The following TSEN15 variants were observed in gnomAD, a reference collection of about 807,000 sequenced individuals.
The protein encoded by TSEN15 is tRNA splicing endonuclease subunit 15, also known as tRNA-splicing endonuclease subunit Sen15.
A neutral mutation model predicts 20.5 loss-of-function variants in TSEN15; 10 were observed. The ratio of observed to expected loss-of-function variants is 0.49; its 90% confidence interval spans 0.30 to 0.83. The LOEUF (loss-of-function observed/expected upper bound fraction) is 0.83, where lower values mean the gene tolerates loss of function less well. Among genes scored for constraint, TSEN15 ranks in the 40% least tolerant of loss-of-function variants. The probability of loss-of-function intolerance (pLI) is 0.06; values close to 1 mark genes in which losing one functional copy is unlikely to be tolerated. For missense variants in TSEN15, 180 were observed against 218.6 expected (o/e 0.82, Z 1.11); for synonymous variants, 72 against 80.1 (o/e 0.90, Z 0.54).
intron 3 of TSEN15, among the ~76,000 whole-genome samples, chr1:184,062,485 G>A (rs1332692042): frequency 6.6e-6 from 1 of 152,074 alleles, no homozygotes; most frequent in Non-Finnish European, 1.5e-5. Flanking sequence ...TGCTAAGATT[G>A]CAAATGAAGT....
intron 3 of TSEN15, among the ~76,000 whole-genome samples, chr1:184,062,141 GTAAT>G (rs1650479969): frequency 6.6e-6 from 1 of 152,010 alleles, no homozygotes; most frequent in African/African-American, 2.4e-5. Context: ...GGAGTATGAA[GTAAT>G]TAATTGCTAG....
chr1:184,062,746 T>C (rs1650512780), intron 3 of TSEN15, among the ~76,000 whole-genome samples: 1 of 152,018 alleles, frequency 6.6e-6, no homozygotes, highest in Non-Finnish European at 1.5e-5. Context: ...AGGGTTTTTT[T>C]TGTTTGTTTT....
exon 4 of TSEN15, chr1:184,096,942 C>T (rs1651465837): frequency 6.6e-6 from 1 of 152,194 alleles, no homozygotes; most frequent in Non-Finnish European, 1.5e-5. Flanking sequence ...CACAGCCAAA[C>T]CATATTAATA....
Position 184,054,720 on chromosome 1 carries a change from T to C in TSEN15, c.218-8T>C. ...AACATTATTGTCCATTCAATGATGC[T>C]CTTTCAGGCAAAAGCTGGCATGAAG... is the stretch of plus-strand genomic sequence containing the variant. On this transcript the variant is annotated splice_polypyrimidine_tract_variant and splice_region_variant and intron_variant, in intron 2 of 4. Coordinates refer to ENST00000645668, the MANE Select transcript of TSEN15 (RefSeq NM_052965.4). The C allele has an allele frequency of 2.5e-6, 4 of 1,610,390 alleles. No individual in the cohort carries two copies. Among genetic ancestry groups the C allele is most frequent in the Non-Finnish European group, 3.4e-6 (4 of 1,179,280 alleles).
At chr1:184,072,119 G>T in intron 3 of TSEN15, 38 bp from the exon 4 acceptor site, 1 of 1,602,544 alleles carries the variant, frequency 6.2e-7, no homozygotes, top group South Asian at 1.1e-5. Context: ...CTAATTGAGT[G>T]ACCGCAACTC....
rs762791348 is a variant in TSEN15, at chr1:184,072,830, A to G, written c.499A>G (p.Ile167Val). Residue 167 changes from isoleucine to valine, a missense_variant, in exon 5 of 5, where the codon ATT (isoleucine) becomes GTT (valine). Ile to Val is a conservative substitution (Grantham distance 29, BLOSUM62 3). This residue lies in a region of TSEN15 where 28 missense variants were observed against 28.7 expected (regional missense o/e 0.98). Coordinates refer to ENST00000645668, the MANE Select transcript of TSEN15 (RefSeq NM_052965.4). ...DGFMLPDPQN[I>V]SLRR Reference sequence around the variant, plus strand: ...TCCTGATCTTTTTTTTTTCCAGAATATTTCTCTTAGAAGATGACATCCATG... The same window carrying G: ...TCCTGATCTTTTTTTTTTCCAGAATGTTTCTCTTAGAAGATGACATCCATG... The G allele has an allele frequency of 2.5e-6, 4 of 1,601,424 alleles. No individual in the cohort carries two copies. Among genetic ancestry groups the G allele is most frequent in the Non-Finnish European group, 3.4e-6 (4 of 1,176,206 alleles).
chr1:184,087,699 G>A (rs943453654), intron 3 of TSEN15, among the ~76,000 whole-genome samples: 15 of 152,326 alleles, frequency 9.8e-5, no homozygotes, highest in African/African-American at 3.4e-4. Flanking sequence ...AAGATAGAAA[G>A]GAGGTGGTTT....
Position 184,054,694 on chromosome 1 carries a change from A to G in TSEN15, c.218-34A>G, listed in dbSNP as rs761099173. The G allele has an allele frequency of 8.1e-6, 13 of 1,596,958 alleles. 1 individual carries two copies. The South Asian group carries it at 1.2e-4, about 15-fold the overall frequency. ...GGAGTTTTTATTTTTTGTATTTAAT[A>G]AACATTATTGTCCATTCAATGATGC... On this transcript the variant is annotated intron_variant, in intron 2 of 4. Coordinates refer to ENST00000645668, the MANE Select transcript of TSEN15 (RefSeq NM_052965.4).
chr1:184,092,762 AG>A (rs1429281276), intron 3 of TSEN15, among the ~76,000 whole-genome samples: 1 of 152,176 alleles, frequency 6.6e-6, no homozygotes, highest in Non-Finnish European at 1.5e-5. Flanking sequence ...GTTCAGACTG[AG>A]ACTTGTATGG....
At chr1:184,094,948 A>G (rs1651422533) in intron 3 of TSEN15, 1 of 398,434 alleles carries the variant, frequency 2.5e-6, no homozygotes, top group East Asian at 3.6e-5. Flanking sequence ...TGAGGAGTGT[A>G]GCACCAAACA....
chr1:184,090,509 G>A (rs916081324), intron 3 of TSEN15, among the ~76,000 whole-genome samples: 37 of 152,232 alleles, frequency 2.4e-4, no homozygotes, highest in South Asian at 2.1e-4. Context: ...AAAAGGTCAC[G>A]TACAAAGATG....
rs537317450 is a variant in TSEN15 at position 184,063,608 on chromosome 1, T to G, written c.354-8549T>G. Among the ~76,000 whole-genome samples the G allele has an allele frequency of 2.6e-5, 4 of 152,300 alleles. No individual in the cohort carries two copies. In the East Asian group the frequency reaches 7.7e-4, roughly 29 times the overall value. On this transcript the variant is annotated intron_variant, in intron 3 of 4. Transcript: ENST00000645668. Reference sequence around the variant, plus strand: ...TTCCTCATACATTGAATCCGATGAATTTTAGTTATTTTTTCTTTGTCAGAA... The same window carrying G: ...TTCCTCATACATTGAATCCGATGAAGTTTAGTTATTTTTTCTTTGTCAGAA...
chr1:184,061,157 T>A (rs1257659197), intron 3 of TSEN15, among the ~76,000 whole-genome samples: 1 of 152,200 alleles, frequency 6.6e-6, no homozygotes, highest in Non-Finnish European at 1.5e-5. Context: ...GATAATATTA[T>A]CAGGAATATT....
chr1:184,084,901 T>C (rs1350853555), intron 3 of TSEN15, among the ~76,000 whole-genome samples: 3 of 151,948 alleles, frequency 2.0e-5, no homozygotes, highest in African/African-American at 7.3e-5. Context: ...AAGGAAAAGA[T>C]GGGGGGACAA....
chr1:184,095,633 CTCTCTCT>C (rs1557892902), intron 3 of TSEN15: 2 of 11,416 alleles, frequency 1.8e-4, no homozygotes, highest in African/African-American at 7.2e-4. Context: ...TCTCCCCCTT[CTCTCTCT>C]CTCTCTCTCT....
At chr1:184,066,335 T>C (rs1197426007) in intron 3 of TSEN15, among the ~76,000 whole-genome samples, 1 of 152,148 alleles carries the variant, frequency 6.6e-6, no homozygotes, top group Non-Finnish European at 1.5e-5. Context: ...CATTGACCTA[T>C]TCATCTATTC....
chr1:184,082,683 C>A (rs1201495986), intron 3 of TSEN15, among the ~76,000 whole-genome samples: 1 of 152,158 alleles, frequency 6.6e-6, no homozygotes, highest in African/African-American at 2.4e-5. Context: ...ACTTTTGCTA[C>A]TTTTTATCCC....
chr1:184,085,785 G>A (rs1237418050), intron 3 of TSEN15, among the ~76,000 whole-genome samples: 1 of 152,176 alleles, frequency 6.6e-6, no homozygotes, highest in African/African-American at 2.4e-5. Flanking sequence ...ATTTTGAGTA[G>A]TAAGGGTATA....
chr1:184,061,693 C>T (rs1384444044), intron 3 of TSEN15, among the ~76,000 whole-genome samples: 1 of 152,114 alleles, frequency 6.6e-6, no homozygotes, highest in Non-Finnish European at 1.5e-5. Flanking sequence ...TATGTATTTT[C>T]TGCCTCCTTA....
Sources: allele counts gnomAD v4.1 joint callset (sites outside exome capture counted in the v4.1 genomes callset), GRCh38; gene constraint gnomAD v4.1.1; regional missense constraint gnomAD v4.1.1; transcripts MANE v1.5; gene names NCBI Gene and HGNC (gene_info 2026-07-23, HGNC 2026-07-21).